NR3C1: variants seen among roughly 807,000 people sequenced by gnomAD.
The protein encoded by NR3C1 is glucocorticoid receptor.
Under a neutral mutation model 74.0 loss-of-function variants are expected in NR3C1, and 14 were observed. The ratio of observed to expected loss-of-function variants is 0.19; its 90% confidence interval spans 0.12 to 0.30. The LOEUF is 0.30. NR3C1 is among the 10% of genes least tolerant of loss of function. NR3C1 has a pLI of 1.00. For synonymous variants in NR3C1, 308 were observed against 332.5 expected (o/e 0.93, Z 0.80); for missense variants, 695 against 909.8 (o/e 0.76, Z 3.04).
At chr5:143,386,926 G>C (rs188734892) in intron 2 of NR3C1, among the ~76,000 whole-genome samples, 65 of 152,314 alleles carry the variant, frequency 4.3e-4, no homozygotes, top group Admixed American at 2.9e-3. Context: ...GTACAAAGAA[G>C]GAGAACCACT....
Position 143,322,831 on chromosome 5 carries a change from CT to C in NR3C1, c.1185-8664del, listed in dbSNP as rs371699202. ...TTAGATTCTCACATTAACTTGAGAA[CT>C]TTTTGGTTTCTCTGTCATGCCAGTA... is the stretch of plus-strand genomic sequence containing the variant. On this transcript the variant is annotated intron_variant, in intron 2 of 8. Transcript: ENST00000394464. Among the ~76,000 whole-genome samples the C allele has an allele frequency of 1.3e-4, 20 of 152,290 alleles. 1 individual carries two copies. The East Asian group carries it at 3.3e-3, about 25-fold the overall frequency.
At chr5:143,304,935 A>G (rs553102790) in intron 4 of NR3C1, among the ~76,000 whole-genome samples, 1 of 152,318 alleles carries the variant, frequency 6.6e-6, no homozygotes, top group Non-Finnish European at 1.5e-5. Context: ...ACCTCAAACT[A>G]TGAAAATCCT....
At chr5:143,317,709 T>A (rs114850564) in intron 2 of NR3C1, among the ~76,000 whole-genome samples, 1 of 152,172 alleles carries the variant, frequency 6.6e-6, no homozygotes, top group African/African-American at 2.4e-5. Flanking sequence ...TGGGTGAAAG[T>A]CATGGATGGA....
At chr5:143,325,328 CATCAG>C (rs1256346254) in intron 2 of NR3C1, among the ~76,000 whole-genome samples, 1 of 152,164 alleles carries the variant, frequency 6.6e-6, no homozygotes, top group African/African-American at 2.4e-5. Flanking sequence ...CTGATAAACC[CATCAG>C]ATCATGTGAG....
chr5:143,314,383 C>A (rs1057062535), intron 2 of NR3C1, among the ~76,000 whole-genome samples: 3 of 150,466 alleles, frequency 2.0e-5, no homozygotes, highest in Non-Finnish European at 4.4e-5. Flanking sequence ...TGAAGTGTCT[C>A]CAAAATAGAA....
rs556244923 is a variant in NR3C1 at position 143,419,561 on chromosome 5, T to G, written c.-14+14971A>C. On this transcript the variant is annotated intron_variant, in intron 1 of 8. Coordinates refer to the NR3C1 transcript ENST00000343796. ...GGGCGTCTGGGGGAGACATCACATG[T>G]TGGTAGGTTCCGTGATGCCCCACAA... Among the ~76,000 whole-genome samples the G allele has an allele frequency of 2.8e-4, 42 of 152,242 alleles. No individual in the cohort carries two copies. The South Asian group carries it at 3.7e-3, about 14-fold the overall frequency.
chr5:143,331,652 G>T (rs981878411), intron 2 of NR3C1, among the ~76,000 whole-genome samples: 3 of 152,152 alleles, frequency 2.0e-5, no homozygotes, highest in African/African-American at 7.2e-5. Context: ...GGAGCTGGCA[G>T]CCATTATCCT....
At chr5:143,304,697 TA>T (rs201730098) in intron 4 of NR3C1, among the ~76,000 whole-genome samples, 4 of 150,120 alleles carry the variant, frequency 2.7e-5, no homozygotes, top group East Asian at 2.0e-4. Flanking sequence ...ATGGTACTGG[TA>T]AAAAAAAACC....
chr5:143,283,047 A>G (rs1813482054), intron 7 of NR3C1, among the ~76,000 whole-genome samples: 1 of 151,886 alleles, frequency 6.6e-6, no homozygotes, highest in Non-Finnish European at 1.5e-5. Context: ...GTCTGGCTAA[A>G]TTTTTTTGTA....
chr5:143,402,505 G>A (rs549199890), intron 1 of NR3C1: 400 of 781,226 alleles, frequency 5.1e-4, no homozygotes, highest in Non-Finnish European at 6.0e-4. Flanking sequence ...AGAAACCTCA[G>A]GCGCGAATTA....
intron 2 of NR3C1, among the ~76,000 whole-genome samples, chr5:143,382,343 GA>G (rs1438578384): frequency 6.6e-6 from 1 of 152,000 alleles, no homozygotes; most frequent in Non-Finnish European, 1.5e-5. Context: ...AAATAAAACT[GA>G]AATAAAGTTA....
At chr5:143,308,491 T>A (rs1386841824) in intron 4 of NR3C1, among the ~76,000 whole-genome samples, 1 of 152,052 alleles carries the variant, frequency 6.6e-6, no homozygotes, top group African/African-American at 2.4e-5. Context: ...ATCATAATCA[T>A]AAAAGGAACC....
intron 2 of NR3C1, among the ~76,000 whole-genome samples, chr5:143,319,803 GAAAA>G (rs964196083): frequency 2.2e-5 from 3 of 134,522 alleles, no homozygotes; most frequent in Non-Finnish European, 4.9e-5. Context: ...AAGTGGAAAA[GAAAA>G]AAAAAAAGGG....
chr5:143,391,988 C>T (rs906788060), intron 2 of NR3C1, among the ~76,000 whole-genome samples: 1 of 150,658 alleles, frequency 6.6e-6, no homozygotes, highest in Non-Finnish European at 1.5e-5. Context: ...TTTTTTGAGA[C>T]GGAGACTCGC....
At chr5:143,340,465 C>T (rs1418077269) in intron 2 of NR3C1, among the ~76,000 whole-genome samples, 6 of 140,200 alleles carry the variant, frequency 4.3e-5, no homozygotes, top group African/African-American at 1.1e-4. Context: ...TTAGTTATCT[C>T]TTTAAAGATG....
At position 143,412,206 on chromosome 5, in the gene NR3C1, A is replaced by G. The variant is rs577835440; in HGVS notation, c.-13-11354T>C. Among the ~76,000 whole-genome samples, 81 of 142,116 alleles carry G rather than the reference A, an allele frequency of 5.7e-4. 1 individual carries two copies. The South Asian group carries it at 0.019, about 33-fold the overall frequency. The allele number at this position is 142,116 out of a possible 152,430, so 93.2% of individuals were successfully genotyped here. On this transcript the variant is annotated intron_variant, in intron 1 of 8. Transcript: ENST00000343796. Reference sequence around the variant, plus strand: ...AGGATTTCAAGGTAAATATCTTTATATCAGATGGAGAAAGTTAGGCTGGAT... The same window carrying G: ...AGGATTTCAAGGTAAATATCTTTATGTCAGATGGAGAAAGTTAGGCTGGAT...
intron 6 of NR3C1, 24 bp downstream of exon 6, chr5:143,298,644 G>A (rs1817822490): frequency 6.2e-7 from 1 of 1,609,626 alleles, no homozygotes; most frequent in Non-Finnish European, 8.5e-7. Context: ...TGAATACAGG[G>A]AAAATGACAC....
intron 2 of NR3C1, among the ~76,000 whole-genome samples, chr5:143,380,947 G>A (rs1392073312): frequency 6.6e-6 from 1 of 152,096 alleles, no homozygotes; most frequent in South Asian, 2.1e-4. Flanking sequence ...GACCTACCTA[G>A]AGTAATCAGA....
upstream of NR3C1, chr5:143,405,077 CCCCCG>C: frequency 4.1e-6 from 4 of 973,384 alleles, no homozygotes; most frequent in Middle Eastern, 5.3e-4. Flanking sequence ...GTGCGGGAAG[CCCCCG>C]CCCCAGCTCC....
Sources: allele counts gnomAD v4.1 joint callset (sites outside exome capture counted in the v4.1 genomes callset), GRCh38; gene constraint gnomAD v4.1.1; transcripts MANE v1.5; gene names NCBI Gene and HGNC (gene_info 2026-07-23, HGNC 2026-07-21).